Variants in ERCC6L2 observed in about 807,000 individuals in gnomAD.
The protein encoded by ERCC6L2 is DNA excision repair protein ERCC-6-like 2.
Under a neutral mutation model 132.0 loss-of-function variants are expected in ERCC6L2, and 77 were observed. The ratio of observed to expected loss-of-function variants is 0.58; its 90% CI spans 0.49 to 0.71. ERCC6L2 has a LOEUF of 0.71. ERCC6L2 is among the 30% of genes least tolerant of loss of function. The pLI is 0.00. For synonymous variants in ERCC6L2, 583 were observed against 632.4 expected, an observed-to-expected ratio of 0.92 and a Z score of 1.17; for missense variants, 1,542 against 1,837.6, an observed-to-expected ratio of 0.84 and a Z score of 2.94.
intron 3 of ERCC6L2, among the ~76,000 whole-genome samples, chr9:95,901,815 G>A (rs1321348463): frequency 6.6e-6 from 1 of 152,130 alleles, no homozygotes; most frequent in Non-Finnish European, 1.5e-5. Flanking sequence ...GTTTTTAATG[G>A]CATCACCAGT....
At chr9:96,029,090 G>C (rs1440192442) in intron 19 of ERCC6L2, among the ~76,000 whole-genome samples, 1 of 151,942 alleles carries the variant, frequency 6.6e-6, no homozygotes, top group Non-Finnish European at 1.5e-5. Flanking sequence ...GGATCACAAG[G>C]TCAGGAGATC....
chr9:96,012,412 A>G lies in ERCC6L2; in HGVS notation c.3862A>G (p.Lys1288Glu). ...VSQFNNSSFE[K>E]GEQRTRKKSD... ...ACAATTCAACAATTCTTCCTTTGAG[A>G]AAGGAGAGCAGCGCACCCGGAAGAA... is the stretch of plus-strand genomic sequence containing the variant. Residue 1288 changes from lysine (K) to glutamate (E), a missense_variant, in exon 19 of 19, where the codon AAA (lysine) becomes GAA (glutamate). By Grantham distance (56) the Lys-to-Glu change is moderately conservative. Around this residue, in one of 4 missense-constraint regions of ERCC6L2, gnomAD observed 442 missense variants for 583.4 expected, o/e 0.76. Transcript: ENST00000653738. 1 of 1,361,996 alleles carries G rather than the reference A, an allele frequency of 7.3e-7. No homozygotes were observed. The highest frequency in any genetic ancestry group is 9.8e-7 in the Non-Finnish European group (1 of 1,017,576). 84.4% of individuals were successfully genotyped at this position (1,361,996 alleles called of 1,614,324 possible). A position where few individuals can be genotyped will look rare whatever the true frequency, so the allele number is the denominator to read the frequency against.
At chr9:95,895,973 A>G (rs1049081098) in intron 2 of ERCC6L2, among the ~76,000 whole-genome samples, 2 of 152,034 alleles carry the variant, frequency 1.3e-5, no homozygotes, top group African/African-American at 4.8e-5. Context: ...TGATCCACCC[A>G]CCTTGGCCTC....
At chr9:95,934,138 A>C (rs1830459421) in intron 11 of ERCC6L2, among the ~76,000 whole-genome samples, 1 of 152,170 alleles carries the variant, frequency 6.6e-6, no homozygotes, top group South Asian at 2.1e-4. Flanking sequence ...GCTCAGGAAA[A>C]CAGTTGAGGA....
intron 19 of ERCC6L2, among the ~76,000 whole-genome samples, chr9:96,024,312 G>C (rs886459166): frequency 5.4e-4 from 82 of 152,246 alleles, no homozygotes; most frequent in African/African-American, 1.9e-3. Flanking sequence ...AGAAGGTAAA[G>C]AGCAGAGTGA....
chr9:95,921,055 G>C (rs573576839), intron 6 of ERCC6L2, 120 bp from the exon 7 acceptor site: 2 of 920,090 alleles, frequency 2.2e-6, no homozygotes, highest in Admixed American at 6.3e-5. Context: ...GATTACAGGC[G>C]TGAGCCTCTG....
intron 13 of ERCC6L2, among the ~76,000 whole-genome samples, chr9:95,958,084 G>A (rs1398169756): frequency 1.5e-5 from 2 of 133,982 alleles, no homozygotes; most frequent in Non-Finnish European, 3.0e-5. Flanking sequence ...GTGTCCATGT[G>A]TTCTCAATGT....
chr9:95,931,103 T>C (rs1189045801), intron 11 of ERCC6L2, among the ~76,000 whole-genome samples: 3 of 152,244 alleles, frequency 2.0e-5, no homozygotes, highest in African/African-American at 7.2e-5. Flanking sequence ...TTTTGGTCAA[T>C]GCAAGATCAG....
At chr9:95,881,724 ATCCCTGGGTCACT>A (rs1827606784) in intron 2 of ERCC6L2, among the ~76,000 whole-genome samples, 1 of 152,194 alleles carries the variant, frequency 6.6e-6, no homozygotes. Flanking sequence ...TTAATCTGGA[ATCCCTGGGTCACT>A]AGCAGTTCTG....
intron 17 of ERCC6L2, among the ~76,000 whole-genome samples, chr9:95,999,645 G>A (rs1170247963): frequency 6.6e-6 from 1 of 152,000 alleles, no homozygotes; most frequent in Non-Finnish European, 1.5e-5. Flanking sequence ...AAAATATGAG[G>A]ATGGTATTTT....
intron 18 of ERCC6L2, among the ~76,000 whole-genome samples, chr9:96,007,228 T>G (rs1833890813): frequency 6.6e-6 from 1 of 152,200 alleles, no homozygotes; most frequent in East Asian, 1.9e-4. Context: ...CTTAGATGAC[T>G]AAGTCAGGGA....
chr9:95,990,209 T>G (rs7875882), intron 17 of ERCC6L2, among the ~76,000 whole-genome samples: 2,146 of 152,292 alleles, frequency 0.014, 39 homozygotes, highest in Middle Eastern at 0.041. Context: ...GTAATGATTA[T>G]TCTAGACAGA....
chr9:96,010,870 C>T (rs1211883532), intron 18 of ERCC6L2, among the ~76,000 whole-genome samples: 2 of 152,158 alleles, frequency 1.3e-5, no homozygotes, highest in East Asian at 1.9e-4. Flanking sequence ...TAGTGCTTAG[C>T]ACATAACAGG....
chr9:95,961,632 C>G (rs1466331152), intron 13 of ERCC6L2, among the ~76,000 whole-genome samples: 1 of 152,112 alleles, frequency 6.6e-6, no homozygotes, highest in Non-Finnish European at 1.5e-5. Flanking sequence ...AAAGGAACTG[C>G]AAACCAAATT....
At chr9:95,887,588 T>G (rs1315722847) in intron 2 of ERCC6L2, among the ~76,000 whole-genome samples, 2 of 152,204 alleles carry the variant, frequency 1.3e-5, no homozygotes, top group East Asian at 3.8e-4. Flanking sequence ...GAAGACATTC[T>G]TTGAATTTTT....
At chr9:96,025,348 G>A (rs1017916623) in intron 19 of ERCC6L2, among the ~76,000 whole-genome samples, 1 of 152,198 alleles carries the variant, frequency 6.6e-6, no homozygotes, top group Non-Finnish European at 1.5e-5. Context: ...TGCTTCCAGT[G>A]TCAAGTTCTA....
At chr9:96,031,066 C>T (rs1313301986) in intron 19 of ERCC6L2, among the ~76,000 whole-genome samples, 1 of 152,124 alleles carries the variant, frequency 6.6e-6, no homozygotes, top group East Asian at 1.9e-4. Flanking sequence ...AAAACAAGTC[C>T]CGGACACATT....
intron 17 of ERCC6L2, among the ~76,000 whole-genome samples, chr9:96,002,802 C>T (rs763743852): frequency 1.2e-4 from 19 of 152,160 alleles, no homozygotes; most frequent in Non-Finnish European, 2.4e-4. Context: ...TGCCCTTTAT[C>T]TGTGATATAA....
intron 13 of ERCC6L2, among the ~76,000 whole-genome samples, chr9:95,959,064 C>T (rs1189518475): frequency 6.6e-6 from 1 of 151,972 alleles, no homozygotes; most frequent in Non-Finnish European, 1.5e-5. Flanking sequence ...GAGCCTGCAT[C>T]GCCAAGTCTC....
Sources: gnomAD v4.1 joint callset for allele counts (sites outside exome capture counted in the v4.1 genomes callset) on GRCh38, gnomAD v4.1.1 for gene constraint, gnomAD v4.1.1 regional missense constraint, MANE v1.5 for transcripts, NCBI Gene and HGNC (gene_info 2026-07-23, HGNC 2026-07-21) for gene names.